Variants in STAG1 observed in about 807,000 individuals in gnomAD.
STAG1 encodes the protein cohesin subunit SA-1.
STAG1 carries 26 observed loss-of-function variants against 170.9 expected under a neutral mutation model. The observed-to-expected ratio is 0.15, with a 90% CI of 0.11 to 0.21. The LOEUF (loss-of-function observed/expected upper bound fraction) is 0.21. Ranked by LOEUF, STAG1 falls within the 10% of genes least tolerant of loss-of-function variation. STAG1 has a pLI of 1.00. For missense variants in STAG1, 964 were observed against 1,509.5 expected (o/e 0.64, Z 5.99); for synonymous variants, 514 against 497.7 (o/e 1.03, Z -0.44).
At chr3:136,538,708 C>G (rs67303976) in intron 6 of STAG1, among the ~76,000 whole-genome samples, 1 of 152,060 alleles carries the variant, frequency 6.6e-6, no homozygotes, top group Non-Finnish European at 1.5e-5. Flanking sequence ...GCGTAAGCCA[C>G]CATGCCTGAC....
intron 6 of STAG1, among the ~76,000 whole-genome samples, chr3:136,536,024 A>G (rs529396554): frequency 4.6e-5 from 7 of 152,192 alleles, no homozygotes; most frequent in African/African-American, 9.7e-5. Context: ...AAAATTTTCA[A>G]ATTACCAGCA....
At chr3:136,741,021 G>C (rs1343726249) in intron 1 of STAG1, among the ~76,000 whole-genome samples, 1 of 152,190 alleles carries the variant, frequency 6.6e-6, no homozygotes, top group African/African-American at 2.4e-5. Flanking sequence ...GGAGTCTCTT[G>C]ATTTTCTGCC....
intron 1 of STAG1, among the ~76,000 whole-genome samples, chr3:136,717,218 T>C (rs1943566097): frequency 6.6e-6 from 1 of 152,234 alleles, no homozygotes; most frequent in African/African-American, 2.4e-5. Context: ...TATGATATTA[T>C]AATATCCCTA....
At chr3:136,572,928 G>A (rs1937323646) in intron 4 of STAG1, among the ~76,000 whole-genome samples, 1 of 152,126 alleles carries the variant, frequency 6.6e-6, no homozygotes, top group Non-Finnish European at 1.5e-5. Context: ...TGTAATCTCA[G>A]AGCTTTGGAG....
chr3:136,341,921 A>G (rs1935990833), intron 30 of STAG1, among the ~76,000 whole-genome samples: 1 of 152,218 alleles, frequency 6.6e-6, no homozygotes, highest in African/African-American at 2.4e-5. Flanking sequence ...TTCAACAAGG[A>G]AGAATATAGC....
intron 3 of STAG1, among the ~76,000 whole-genome samples, chr3:136,609,983 T>C (rs550327043): frequency 1.3e-5 from 2 of 152,298 alleles, no homozygotes; most frequent in African/African-American, 2.4e-5. Flanking sequence ...TGCATTTTAA[T>C]GTCTTGGATA....
In STAG1 at chr3:136,378,578, A is replaced by G. The variant is rs537560602; in HGVS notation, c.2278-826T>C. Among the ~76,000 whole-genome samples the G allele has an allele frequency of 1.7e-3, 262 of 152,288 alleles. 1 individual carries two copies. The highest frequency in any genetic ancestry group is 3.1e-3 in the Non-Finnish European group (212 of 68,018). ...AGTTACTGGGGATGCTGAGGCAGGA[A>G]GATCACTTGAGCCCATGGGATCAAG... On this transcript the variant is annotated intron_variant, in intron 22 of 33. Transcript: ENST00000383202.
chr3:136,571,886 A>G (rs1014102259), intron 4 of STAG1, among the ~76,000 whole-genome samples: 1 of 152,122 alleles, frequency 6.6e-6, no homozygotes, highest in Non-Finnish European at 1.5e-5. Flanking sequence ...CCCTGTCTCT[A>G]AAATGAATAA....
At chr3:136,392,842 T>G (rs905596884) in intron 22 of STAG1, among the ~76,000 whole-genome samples, 2 of 151,844 alleles carry the variant, frequency 1.3e-5, no homozygotes, top group African/African-American at 2.4e-5. Context: ...TAAGAGTCAG[T>G]TTTATTTTGT....
chr3:136,702,119 GAGAC>G (rs1323681634), intron 1 of STAG1, among the ~76,000 whole-genome samples: 150 of 68,140 alleles, frequency 2.2e-3, no homozygotes, highest in African/African-American at 8.4e-3. Context: ...GAGAGAGAGA[GAGAC>G]AGAGAGACAG....
chr3:136,623,192 G>C lies in STAG1; in HGVS notation c.86C>G (p.Thr29Arg). 1 of 1,613,792 alleles carries C rather than the reference G, an allele frequency of 6.2e-7. No individual in the cohort carries two copies. Among genetic ancestry groups the C allele is most frequent in the South Asian group, 1.1e-5 (1 of 91,068 alleles). Residue 29 changes from threonine (T) to arginine (R), a missense_variant, in exon 3 of 34, where the codon ACA becomes AGA. Physicochemically the swap from Thr to Arg is moderately conservative, Grantham distance 71. Coordinates refer to ENST00000383202, the MANE Select transcript of STAG1 (RefSeq NM_005862.3). ...CCTTTTTCTTTTTCCTTTGACCTCT[G>C]TTTCTTCAAGCTCGCTGCCAGCATC... The part of the protein sequence containing the change: ...HSDAGSELEE[T>R]EVKGKRKRGR...
intron 21 of STAG1, among the ~76,000 whole-genome samples, chr3:136,402,779 A>C (rs1456848898): frequency 2.0e-5 from 3 of 151,970 alleles, no homozygotes; most frequent in Admixed American, 6.6e-5. Flanking sequence ...GTGAGTCGAG[A>C]TCATGCCACT....
chr3:136,421,055 G>T, intron 20 of STAG1, 38 bp downstream of exon 20: 1 of 1,355,112 alleles, frequency 7.4e-7, no homozygotes, highest in Non-Finnish European at 1.0e-6. Context: ...ACAGGCATGA[G>T]CCACCTCGTT....
intron 4 of STAG1, among the ~76,000 whole-genome samples, chr3:136,576,718 G>A (rs1222777948): frequency 6.6e-6 from 1 of 152,138 alleles, no homozygotes; most frequent in East Asian, 1.9e-4. Context: ...TCCCTGTAAG[G>A]TAAACCTAAA....
At position 136,622,031 on chromosome 3, in the gene STAG1, C is replaced by G. The variant is rs1278360277; in HGVS notation, c.132+1115G>C. ...AAAAAAAGAGGGCTGGGTGCGGTGCCTCAGGCCTGTAATCCCAGCACTTTG... is the reference window on the plus strand; with the variant it reads ...AAAAAAAGAGGGCTGGGTGCGGTGCGTCAGGCCTGTAATCCCAGCACTTTG... On this transcript the variant is annotated intron_variant, in intron 3 of 33. Coordinates refer to ENST00000383202, the MANE Select transcript of STAG1 (RefSeq NM_005862.3). Among the ~76,000 whole-genome samples, 195 of 147,610 alleles carry G rather than the reference C, an allele frequency of 1.3e-3. 1 individual carries two copies. Among genetic ancestry groups the G allele is most frequent in the Non-Finnish European group, 4.0e-4 (27 of 67,174 alleles).
At chr3:136,587,254 T>C (rs1576636179) in intron 4 of STAG1, among the ~76,000 whole-genome samples, 1 of 151,930 alleles carries the variant, frequency 6.6e-6, no homozygotes, top group Non-Finnish European at 1.5e-5. Flanking sequence ...AAAAAGCAAT[T>C]TGAGGCCGGA....
intron 1 of STAG1, among the ~76,000 whole-genome samples, chr3:136,742,624 A>C (rs1934726590): frequency 6.6e-6 from 1 of 151,970 alleles, no homozygotes; most frequent in Non-Finnish European, 1.5e-5. Flanking sequence ...CTGAGACAGG[A>C]GAATCACCTG....
At chr3:136,621,818 G>A (rs1356899560) in intron 3 of STAG1, among the ~76,000 whole-genome samples, 1 of 151,870 alleles carries the variant, frequency 6.6e-6, no homozygotes, top group Admixed American at 6.6e-5. Context: ...ACAATAACTG[G>A]TTAAGCAACA....
chr3:136,463,925 A>T (rs1052462153), intron 13 of STAG1, among the ~76,000 whole-genome samples: 8 of 148,454 alleles, frequency 5.4e-5, no homozygotes, highest in Non-Finnish European at 1.0e-4. Flanking sequence ...TATATATTTT[A>T]AAATGATTTA....
Sources: gnomAD v4.1 joint callset for allele counts (sites outside exome capture counted in the v4.1 genomes callset) on GRCh38, gnomAD v4.1.1 for gene constraint, MANE v1.5 for transcripts, NCBI Gene and HGNC (gene_info 2026-07-23, HGNC 2026-07-21) for gene names.